Variants in DPY19L1 observed in about 807,000 individuals in gnomAD.
DPY19L1 encodes the protein protein C-mannosyl-transferase DPY19L1.
A neutral mutation model predicts 96.9 loss-of-function variants in DPY19L1; 35 were observed. The observed-to-expected ratio is 0.36, with a 90% confidence interval of 0.28 to 0.48. DPY19L1 has a LOEUF of 0.48. Ranked by LOEUF, DPY19L1 falls within the 20% of genes least tolerant of loss-of-function variation. DPY19L1 has a pLI of 0.99. For synonymous variants in DPY19L1, 205 were observed against 252.6 expected, an observed-to-expected ratio of 0.81 and a Z score of 1.79; for missense variants, 521 against 777.9, an observed-to-expected ratio of 0.67 and a Z score of 3.93.
chr7:35,033,632 G>A (rs1452137432), intron 1 of DPY19L1, among the ~76,000 whole-genome samples: 1 of 152,100 alleles, frequency 6.6e-6, no homozygotes, highest in Non-Finnish European at 1.5e-5. Context: ...TCAAATGCAG[G>A]CCAGTGTTGA....
chr7:34,980,687 G>A (rs1307042340), intron 7 of DPY19L1, among the ~76,000 whole-genome samples: 2 of 152,046 alleles, frequency 1.3e-5, no homozygotes, highest in African/African-American at 4.8e-5. Flanking sequence ...ATATTAAAAG[G>A]TGCTCAATAT....
chr7:34,953,186 ACCAATGTCAAAATTAAGAATTTATGAG>A (rs2128785362), intron 13 of DPY19L1, among the ~76,000 whole-genome samples: 1 of 152,306 alleles, frequency 6.6e-6, no homozygotes, highest in Non-Finnish European at 1.5e-5. Context: ...TCTTCCTTTA[ACCAATGTCAAAATTAAGAATTTATGAG>A]CCAATGCCCT....
intron 7 of DPY19L1, among the ~76,000 whole-genome samples, chr7:34,974,905 TG>T (rs1278985526): frequency 3.3e-5 from 5 of 152,214 alleles, no homozygotes; most frequent in Admixed American, 1.3e-4. Flanking sequence ...TACGGTGATC[TG>T]TGATCAGTAA....
intron 7 of DPY19L1, among the ~76,000 whole-genome samples, chr7:34,977,680 G>A (rs1361143731): frequency 2.0e-5 from 3 of 152,010 alleles, no homozygotes; most frequent in Admixed American, 6.6e-5. Flanking sequence ...CATGCCTTAC[G>A]TTTCAACAAA....
intron 1 of DPY19L1, among the ~76,000 whole-genome samples, chr7:35,020,594 T>C (rs1298178550): frequency 6.6e-6 from 1 of 152,252 alleles, no homozygotes; most frequent in Non-Finnish European, 1.5e-5. Flanking sequence ...TTATTGGATA[T>C]TGTTAAGGCA....
chr7:34,975,495 C>T (rs925571473), intron 7 of DPY19L1, among the ~76,000 whole-genome samples: 4 of 152,224 alleles, frequency 2.6e-5, no homozygotes, highest in Non-Finnish European at 4.4e-5. Context: ...AAGCCATCTC[C>T]GTAAGATAAA....
At chr7:34,964,879 T>C (rs936297753) in intron 10 of DPY19L1, among the ~76,000 whole-genome samples, 6 of 152,126 alleles carry the variant, frequency 3.9e-5, no homozygotes, top group Non-Finnish European at 7.4e-5. Context: ...TGAATAGGAA[T>C]TTACAACAAT....
At chr7:34,961,437 T>A (rs1461816870) in intron 10 of DPY19L1, among the ~76,000 whole-genome samples, 1 of 151,994 alleles carries the variant, frequency 6.6e-6, no homozygotes, top group Non-Finnish European at 1.5e-5. Context: ...CAACTAGAGA[T>A]CCACATACAA....
intron 7 of DPY19L1, among the ~76,000 whole-genome samples, chr7:34,986,362 T>G (rs1447428251): frequency 6.6e-6 from 1 of 152,068 alleles, no homozygotes; most frequent in African/African-American, 2.4e-5. Flanking sequence ...TGATTGACTC[T>G]TTCTACAATG....
At chr7:34,974,428 A>G (rs1784791590) in intron 7 of DPY19L1, among the ~76,000 whole-genome samples, 3 of 152,302 alleles carry the variant, frequency 2.0e-5, no homozygotes, top group South Asian at 4.1e-4. Context: ...AGTGTTTCCT[A>G]TATTTTCGCT....
At chr7:34,965,322 T>C (rs1036910486) in intron 10 of DPY19L1, among the ~76,000 whole-genome samples, 5 of 152,194 alleles carry the variant, frequency 3.3e-5, no homozygotes, top group Admixed American at 2.0e-4. Context: ...GTGAAAATAT[T>C]TGAATTCTAG....
chr7:34,989,385 C>A (rs1785115716), intron 7 of DPY19L1, among the ~76,000 whole-genome samples: 1 of 152,052 alleles, frequency 6.6e-6, no homozygotes, highest in Admixed American at 6.6e-5. Context: ...GAGACCAAGG[C>A]AGGAGGATTG....
At chr7:35,037,844 C>G, upstream of DPY19L1, 1 of 1,232,956 alleles carries the variant, frequency 8.1e-7, no homozygotes, top group South Asian at 4.1e-5. Context: ...CGGGGCTCGG[C>G]CGGTGCGAGG....
chr7:35,013,872 CTA>C (rs2307723), intron 3 of DPY19L1, among the ~76,000 whole-genome samples, 167 bp from the exon 4 acceptor site: 41,555 of 151,962 alleles, frequency 0.27, 5,774 homozygotes, highest in Non-Finnish European at 0.31. Context: ...TGTGAAAAAA[CTA>C]TGTATTTTCA....
chr7:34,947,792 T>C (rs1256473286), intron 14 of DPY19L1, 91 bp from the exon 15 acceptor site: 3 of 1,024,510 alleles, frequency 2.9e-6, no homozygotes, highest in South Asian at 1.5e-5. Context: ...TTTCTGAAAG[T>C]AGAGAAATAT....
chr7:34,981,874 C>G (rs183148856), intron 7 of DPY19L1, among the ~76,000 whole-genome samples: 2 of 152,024 alleles, frequency 1.3e-5, no homozygotes, highest in Non-Finnish European at 2.9e-5. Context: ...TCCTTGAACC[C>G]GGGAGGCAGA....
At chr7:35,034,740 T>C (rs2128684916) in intron 1 of DPY19L1, among the ~76,000 whole-genome samples, 1 of 152,300 alleles carries the variant, frequency 6.6e-6, no homozygotes, top group Non-Finnish European at 1.5e-5. Context: ...AAAATTACTT[T>C]CTAAATAGAA....
At chr7:35,035,908 A>T (rs974203323) in intron 1 of DPY19L1, among the ~76,000 whole-genome samples, 3 of 43,210 alleles carry the variant, frequency 6.9e-5, no homozygotes, top group Non-Finnish European at 1.1e-4. Flanking sequence ...CTACTGAGAT[A>T]AAAAAAAAGG....
chr7:34,961,730 T>G (rs1304749282), intron 10 of DPY19L1, among the ~76,000 whole-genome samples: 1 of 152,172 alleles, frequency 6.6e-6, no homozygotes, highest in African/African-American at 2.4e-5. Flanking sequence ...ACACATCTGA[T>G]AAGGGACTGT....
Sources: allele counts gnomAD v4.1 joint callset (sites outside exome capture counted in the v4.1 genomes callset), GRCh38; gene constraint gnomAD v4.1.1; transcripts MANE v1.5; gene names NCBI Gene and HGNC (gene_info 2026-07-23, HGNC 2026-07-21).